RIC1: variants seen among roughly 807,000 people sequenced by gnomAD.
RIC1 encodes the protein guanine nucleotide exchange factor subunit RIC1.
In RIC1, 88 loss-of-function variants were observed where a neutral mutation model predicts 169.0. The ratio of observed to expected loss-of-function variants is 0.52; its 90% CI spans 0.44 to 0.62. The LOEUF is 0.62. Among genes scored for constraint, RIC1 ranks in the 20% least tolerant of loss-of-function variants. The pLI is 0.00. For synonymous variants in RIC1, 790 were observed against 601.5 expected, an observed-to-expected ratio of 1.31 and a Z score of -4.59; for missense variants, 1,877 against 1,725.5, an observed-to-expected ratio of 1.09 and a Z score of -1.56.
At chr9:5,721,730 G>C (rs1011718968) in intron 6 of RIC1, among the ~76,000 whole-genome samples, 2 of 152,086 alleles carry the variant, frequency 1.3e-5, no homozygotes, top group African/African-American at 4.8e-5. Flanking sequence ...CTTTACTGCA[G>C]ATTTTTCCTC....
chr9:5,692,176 T>G (rs1821624070), intron 3 of RIC1, among the ~76,000 whole-genome samples: 1 of 152,066 alleles, frequency 6.6e-6, no homozygotes, highest in South Asian at 2.1e-4. Flanking sequence ...TTAGAGCAGT[T>G]CGAATAATAG....
intron 2 of RIC1, among the ~76,000 whole-genome samples, chr9:5,657,052 C>T (rs556281606): frequency 2.0e-5 from 3 of 152,250 alleles, no homozygotes; most frequent in African/African-American, 4.8e-5. Flanking sequence ...CATCCCTAAA[C>T]ATAGCACCTA....
At chr9:5,741,863 C>T (rs1213276436) in intron 8 of RIC1, among the ~76,000 whole-genome samples, 3 of 152,116 alleles carry the variant, frequency 2.0e-5, no homozygotes, top group Non-Finnish European at 4.4e-5. Flanking sequence ...TTCCTTGAAG[C>T]ATATTTTTTG....
At position 5,776,364 on chromosome 9, in the gene RIC1, A is replaced by C. The variant is rs1166226366; in HGVS notation, c.*2118A>C. ...AACTGTTTAAGCCATAATTTTAGCC[A>C]ATGAATTTAAATATTCAGTATAACT... On this transcript the variant is annotated 3_prime_UTR_variant, in exon 26 of 26. Transcript: ENST00000414202. 6.6e-6 allele frequency: 1 copy of C among 152,142 alleles called. No individual in the cohort carries two copies. The highest frequency in any genetic ancestry group is 1.5e-5 in the Non-Finnish European group (1 of 67,976). The allele number at this position is 152,142 out of a possible 1,614,324, so 9.4% of individuals were successfully genotyped here. A position where few individuals can be genotyped will look rare whatever the true frequency, so the allele number is the denominator to read the frequency against.
At chr9:5,697,502 C>T (rs1212383800) in intron 3 of RIC1, among the ~76,000 whole-genome samples, 1 of 152,174 alleles carries the variant, frequency 6.6e-6, no homozygotes, top group African/African-American at 2.4e-5. Context: ...TCAGTTTGAA[C>T]AATTTTCAGT....
rs964551855 is a variant in RIC1, at chr9:5,713,210, G to C, written c.333-686G>C. ...CAGATAACTGTTAAATTCCAGCACA[G>C]GCACTGAAGAAGATACTGGTCTACC... On this transcript the variant is annotated intron_variant, in intron 3 of 25. Coordinates refer to ENST00000414202, the MANE Select transcript of RIC1 (RefSeq NM_020829.4). 7.2e-5 allele frequency: 11 copies of C among 152,300 alleles called. No homozygotes were observed. In the East Asian group the frequency reaches 2.1e-3, roughly 29 times the overall value. The allele number at this position is 152,300 out of a possible 1,614,324, so 9.4% of individuals were successfully genotyped here.
At chr9:5,699,455 CT>C (rs1407756349) in intron 3 of RIC1, among the ~76,000 whole-genome samples, 7 of 150,652 alleles carry the variant, frequency 4.6e-5, no homozygotes, top group Non-Finnish European at 8.9e-5. Flanking sequence ...TTTTATTCAT[CT>C]TTCTTAAATG....
chr9:5,656,299 T>A (rs184484641), intron 1 of RIC1, among the ~76,000 whole-genome samples: 62 of 152,322 alleles, frequency 4.1e-4, no homozygotes, highest in East Asian at 9.6e-4. Flanking sequence ...ATTTCTCCCT[T>A]AAACGTTTGG....
chr9:5,762,058 A>C (rs988120833), intron 17 of RIC1, among the ~76,000 whole-genome samples: 1 of 152,164 alleles, frequency 6.6e-6, no homozygotes, highest in African/African-American at 2.4e-5. Flanking sequence ...GTCTGTTACC[A>C]TCCAGCTTTG....
chr9:5,714,026 G>T, intron 4 of RIC1, 23 bp downstream of exon 4: 3 of 1,481,854 alleles, frequency 2.0e-6, no homozygotes, highest in South Asian at 2.3e-5. Flanking sequence ...GGTTAAATTT[G>T]ACATTGTGTG....
At chr9:5,695,315 A>G (rs1417070272) in intron 3 of RIC1, among the ~76,000 whole-genome samples, 1 of 152,204 alleles carries the variant, frequency 6.6e-6, no homozygotes, top group Non-Finnish European at 1.5e-5. Flanking sequence ...ATTAGCTGTA[A>G]AAATGAAAAT....
chr9:5,684,792 TA>T (rs1821108570), intron 2 of RIC1, among the ~76,000 whole-genome samples: 1 of 152,212 alleles, frequency 6.6e-6, no homozygotes, highest in Non-Finnish European at 1.5e-5. Context: ...AGAATGATGT[TA>T]TAAATATTTT....
chr9:5,769,565 G>A, intron 22 of RIC1: 1 of 895,262 alleles, frequency 1.1e-6, no homozygotes. Context: ...GTGGGAAGGA[G>A]TTCTGGAATC....
At chr9:5,693,435 A>G (rs771092694) in intron 3 of RIC1, among the ~76,000 whole-genome samples, 12 of 152,142 alleles carry the variant, frequency 7.9e-5, no homozygotes, top group East Asian at 5.8e-4. Context: ...GAGTCAGTCT[A>G]TAACAATGGT....
intron 17 of RIC1, among the ~76,000 whole-genome samples, chr9:5,759,775 C>T (rs74482170): frequency 1.3e-5 from 2 of 150,878 alleles, no homozygotes; most frequent in South Asian, 4.2e-4. Flanking sequence ...TCTGACAAAA[C>T]TGAAAAAAAA....
chr9:5,689,897 A>T, intron 2 of RIC1, 62 bp from the exon 3 acceptor site: 1 of 1,118,276 alleles, frequency 8.9e-7, no homozygotes, highest in South Asian at 1.5e-5. Context: ...ATAAAATTAA[A>T]ATTCAGGGTT....
chr9:5,760,229 G>A (rs1464139731), intron 17 of RIC1, among the ~76,000 whole-genome samples: 8 of 152,160 alleles, frequency 5.3e-5, no homozygotes, highest in Non-Finnish European at 8.8e-5. Context: ...TTTTTTTAGG[G>A]TAAGAGATTG....
intron 10 of RIC1, 103 bp downstream of exon 10, chr9:5,743,840 T>A: frequency 2.4e-6 from 2 of 835,780 alleles, no homozygotes; most frequent in Non-Finnish European, 3.9e-6. Context: ...AGACAGGGTC[T>A]TACACTGTCA....
At chr9:5,632,500 G>A (rs914952549) in intron 1 of RIC1, among the ~76,000 whole-genome samples, 1 of 152,088 alleles carries the variant, frequency 6.6e-6, no homozygotes, top group Non-Finnish European at 1.5e-5. Flanking sequence ...ACAGTATAGT[G>A]TTGTTTATGA....
Sources: allele counts gnomAD v4.1 joint callset (sites outside exome capture counted in the v4.1 genomes callset), GRCh38; gene constraint gnomAD v4.1.1; transcripts MANE v1.5; gene names NCBI Gene and HGNC (gene_info 2026-07-23, HGNC 2026-07-21).